The following KDM5B variants were observed in gnomAD, a reference collection of about 807,000 sequenced individuals.
The protein encoded by KDM5B is lysine demethylase 5B, also known as lysine-specific demethylase 5B.
Under a neutral mutation model 193.4 loss-of-function variants are expected in KDM5B, and 144 were observed. The ratio of observed to expected loss-of-function variants is 0.74; its 90% CI spans 0.65 to 0.86. The LOEUF (loss-of-function observed/expected upper bound fraction) is 0.86, where lower values mean the gene tolerates loss of function less well. KDM5B is among the 40% of genes least tolerant of loss of function. KDM5B has a pLI of 0.00. For synonymous variants in KDM5B, 668 were observed against 682.6 expected (o/e 0.98, Z 0.33); for missense variants, 1,833 against 1,886.9 (o/e 0.97, Z 0.53).
In KDM5B at chr1:202,754,309, T is replaced by C. The variant is rs117803675; in HGVS notation, c.1538+962A>G. Among the ~76,000 whole-genome samples the C allele has an allele frequency of 3.9e-4, 59 of 152,356 alleles. No individual in the cohort carries two copies. In the East Asian group the frequency reaches 0.011, roughly 29 times the overall value. On this transcript the variant is annotated intron_variant, in intron 11 of 26. Transcript: ENST00000367265. The stretch of plus-strand genomic sequence containing the variant: ...CTCTTTCTTGTGGTACATCCTCAAA[T>C]TCCTTGTGTGAGGATTTGAGTGAGT...
chr1:202,767,202 C>A, intron 4 of KDM5B, 142 bp from the exon 5 acceptor site: 1 of 1,555,670 alleles, frequency 6.4e-7, no homozygotes, highest in South Asian at 1.1e-5. Flanking sequence ...CTCTTCATAT[C>A]TGTTAAATGG....
rs1656860509 is a variant in KDM5B, at chr1:202,774,601, T to G, written c.405+12A>C. 1 of 1,603,062 alleles carries G rather than the reference T, an allele frequency of 6.2e-7. No homozygotes were observed. Among genetic ancestry groups the G allele is most frequent in the African/African-American group, 1.3e-5 (1 of 74,518 alleles). On this transcript the variant is annotated intron_variant, in intron 3 of 26. Transcript: ENST00000367265. The stretch of plus-strand genomic sequence containing the variant: ...GATTATAAAATAAGTAAGATGGTCA[T>G]TAGCTCTTTACCTTATTAAGCTGAA...
intron 1 of KDM5B, among the ~76,000 whole-genome samples, chr1:202,803,273 T>C (rs770811782): frequency 6.6e-6 from 1 of 152,314 alleles, no homozygotes; most frequent in Admixed American, 6.5e-5. Flanking sequence ...TTTAAAACCA[T>C]ACCCTATAAC....
chr1:202,779,490 GAA>G (rs1309309413), intron 1 of KDM5B, among the ~76,000 whole-genome samples: 1 of 139,330 alleles, frequency 7.2e-6, no homozygotes, highest in Non-Finnish European at 1.6e-5. Context: ...AAAAAAAAAA[GAA>G]AAAAAAGAAA....
chr1:202,728,784 AC>A lies in KDM5B; in HGVS notation c.*251del, dbSNP rs1450462545. On this transcript the variant is annotated 3_prime_UTR_variant, in exon 27 of 27. Coordinates refer to ENST00000367265, the MANE Select transcript of KDM5B (RefSeq NM_006618.5). ...ATTGGTGGGAACCCCTGCAAAAAAA[AC>A]AGTCAGCTTTTCAAACCTCAACAAC... 4 of 347,170 alleles carry A rather than the reference AC, an allele frequency of 1.2e-5. No individual in the cohort carries two copies. The highest frequency in any genetic ancestry group is 2.2e-5 in the Non-Finnish European group (4 of 183,724). The allele number at this position is 347,170 out of a possible 1,614,324, so 21.5% of individuals were successfully genotyped here.
intron 1 of KDM5B, among the ~76,000 whole-genome samples, chr1:202,788,091 C>T (rs1044801053): frequency 1.3e-5 from 2 of 152,132 alleles, no homozygotes; most frequent in African/African-American, 4.8e-5. Flanking sequence ...CTCTTTTCAT[C>T]CAGATTTAAA....
At chr1:202,801,569 A>G (rs182386967) in intron 1 of KDM5B, among the ~76,000 whole-genome samples, 31 of 152,336 alleles carry the variant, frequency 2.0e-4, no homozygotes, top group Admixed American at 2.0e-3. Context: ...AATGACAGAA[A>G]AAGAAACATT....
At chr1:202,755,053 A>AGT (rs1442294282) in intron 11 of KDM5B, among the ~76,000 whole-genome samples, 2 of 152,312 alleles carry the variant, frequency 1.3e-5, no homozygotes, top group African/African-American at 4.8e-5. Flanking sequence ...CTTGCAAAGT[A>AGT]GTGTGTGTGC....
At chr1:202,729,199 G>C (rs763293053) in intron 26 of KDM5B, 26 bp from the exon 27 acceptor site, 1 of 1,613,342 alleles carries the variant, frequency 6.2e-7, no homozygotes, top group South Asian at 1.1e-5. Flanking sequence ...AGGAAGATGG[G>C]GTTTTCAGAG....
chr1:202,761,769 T>C (rs1485737544), intron 7 of KDM5B, among the ~76,000 whole-genome samples: 2 of 152,226 alleles, frequency 1.3e-5, no homozygotes, highest in South Asian at 2.1e-4. Flanking sequence ...TCCCAGCCTA[T>C]ACAACTGTGA....
At chr1:202,733,289 T>C (rs1654960299) in intron 23 of KDM5B, 112 bp downstream of exon 23, 1 of 1,230,816 alleles carries the variant, frequency 8.1e-7, no homozygotes, top group Admixed American at 2.3e-5. Context: ...TGGGTGCTGT[T>C]AACAGTAAAG....
chr1:202,731,768 C>T (rs1326312935), intron 24 of KDM5B, 60 bp downstream of exon 24: 4 of 1,174,900 alleles, frequency 3.4e-6, no homozygotes, highest in Non-Finnish European at 5.1e-6. Context: ...ATAATAAAAA[C>T]CTAGTAATAC....
chr1:202,733,038 G>C (rs1163229386), intron 23 of KDM5B, among the ~76,000 whole-genome samples: 1 of 152,182 alleles, frequency 6.6e-6, no homozygotes, highest in Non-Finnish European at 1.5e-5. Flanking sequence ...TGACTTACAT[G>C]AGAAGAAGCA....
chr1:202,786,020 T>C (rs1307116416), intron 1 of KDM5B, among the ~76,000 whole-genome samples: 4 of 151,944 alleles, frequency 2.6e-5, no homozygotes, highest in Non-Finnish European at 4.4e-5. Context: ...TTTGTTTCTG[T>C]TTTTTAAGAG....
intron 7 of KDM5B, among the ~76,000 whole-genome samples, chr1:202,762,015 A>ATCT (rs974136208): frequency 6.6e-6 from 1 of 152,102 alleles, no homozygotes; most frequent in Non-Finnish European, 1.5e-5. Flanking sequence ...AATTAGAATA[A>ATCT]TTTCTAGTTC....
At chr1:202,740,113 C>CG (rs1432556141) in intron 20 of KDM5B, among the ~76,000 whole-genome samples, 2 of 149,260 alleles carry the variant, frequency 1.3e-5, no homozygotes, top group Non-Finnish European at 3.0e-5. Context: ...GCTGACCCCC[C>CG]CCACCTCCCT....
rs1266119647 is a variant in KDM5B at position 202,756,533 on chromosome 1, T to A, written c.1198-17A>T. Reference sequence around the variant, plus strand: ...GGGGACCATCTGGAAATACAAGGAATAGAAAAAATGAGTTTCCTCACAAAC... The same window carrying A: ...GGGGACCATCTGGAAATACAAGGAAAAGAAAAAATGAGTTTCCTCACAAAC... On this transcript the variant is annotated splice_polypyrimidine_tract_variant and intron_variant, in intron 9 of 26. Coordinates refer to ENST00000367265, the MANE Select transcript of KDM5B (RefSeq NM_006618.5). 7.1e-6 allele frequency: 11 copies of A among 1,557,596 alleles called. No individual in the cohort carries two copies. The Admixed American group carries it at 1.6e-4, about 23-fold the overall frequency.
rs974623946 is a variant in KDM5B, at chr1:202,725,868, G to A, written c.*3168C>T. The A allele has an allele frequency of 1.3e-5, 2 of 152,194 alleles. No homozygotes were observed. Among genetic ancestry groups the A allele is most frequent in the Non-Finnish European group, 2.9e-5 (2 of 68,046 alleles). The allele number at this position is 152,194 out of a possible 1,614,324, so 9.4% of individuals were successfully genotyped here. On this transcript the variant is annotated 3_prime_UTR_variant, in exon 27 of 27. Transcript: ENST00000367265. ...TATGTGTCATATGGCAAGAAACATA[G>A]GCAAGACTGAGCCCAGAAAAACACC... is the stretch of plus-strand genomic sequence containing the variant.
At chr1:202,771,313 CCT>C (rs1222838829) in intron 4 of KDM5B, among the ~76,000 whole-genome samples, 1 of 151,874 alleles carries the variant, frequency 6.6e-6, no homozygotes, top group Admixed American at 6.6e-5. Context: ...CTCATTGCAA[CCT>C]CTGCCTCCCG....
Sources: gnomAD v4.1 joint callset for allele counts (sites outside exome capture counted in the v4.1 genomes callset) on GRCh38, gnomAD v4.1.1 for gene constraint, MANE v1.5 for transcripts, NCBI Gene and HGNC (gene_info 2026-07-23, HGNC 2026-07-21) for gene names.